The following TCEA3 variants were observed in gnomAD, a reference collection of about 807,000 sequenced individuals.
TCEA3 encodes transcription elongation factor A3, also known as transcription elongation factor A protein 3.
TCEA3 carries 36 observed loss-of-function variants against 44.0 expected under a neutral mutation model. That is an observed-to-expected ratio of 0.82 (90% confidence interval 0.63 to 1.08). The LOEUF is 1.08. Ranked by LOEUF, TCEA3 falls within the 50% of genes least tolerant of loss-of-function variation. TCEA3 has a pLI of 0.00. For synonymous variants in TCEA3, 162 were observed against 159.7 expected (o/e 1.01, Z -0.11); for missense variants, 392 against 441.2 (o/e 0.89, Z 1.00).
At chr1:23,414,100 T>C (rs929656474) in intron 4 of TCEA3, among the ~76,000 whole-genome samples, 1 of 151,910 alleles carries the variant, frequency 6.6e-6, no homozygotes. Flanking sequence ...TTTATTTTAT[T>C]TTTTGAGACA....
At chr1:23,396,774 G>T (rs747964671) in intron 7 of TCEA3, among the ~76,000 whole-genome samples, 8 of 152,088 alleles carry the variant, frequency 5.3e-5, no homozygotes, top group Non-Finnish European at 1.2e-4. Context: ...ATGCAAAGGT[G>T]GGTGGTGCAT....
chr1:23,424,545 C>A lies in TCEA3; in HGVS notation c.69+20G>T. ...CGCCTCCCGGGGGCGGGGGCCGTGG[C>A]CCAAACTCTGCAGCCTCACCGTGTT... is the stretch of plus-strand genomic sequence containing the variant. On this transcript the variant is annotated intron_variant, in intron 1 of 10. Coordinates refer to ENST00000450454, the MANE Select transcript of TCEA3 (RefSeq NM_003196.3). The A allele has an allele frequency of 6.2e-7, 1 of 1,602,502 alleles. No homozygotes were observed. Among genetic ancestry groups the A allele is most frequent in the Non-Finnish European group, 8.5e-7 (1 of 1,176,924 alleles).
At chr1:23,383,329 C>G in intron 10 of TCEA3, 1 of 737,930 alleles carries the variant, frequency 1.4e-6, no homozygotes, top group Non-Finnish European at 1.7e-6. Flanking sequence ...GTCGGAGCAT[C>G]GGCTTTCAGT....
At chr1:23,386,393 A>C (rs1036725128) in intron 9 of TCEA3, among the ~76,000 whole-genome samples, 3 of 151,988 alleles carry the variant, frequency 2.0e-5, no homozygotes, top group African/African-American at 7.3e-5. Flanking sequence ...ACACACTACC[A>C]AGCCTGGCTA....
chr1:23,382,273 C>T (rs1198089150), intron 10 of TCEA3, among the ~76,000 whole-genome samples: 5 of 152,122 alleles, frequency 3.3e-5, no homozygotes, highest in East Asian at 3.9e-4. Context: ...CTCAAACTCC[C>T]GACCTCAGGT....
intron 4 of TCEA3, among the ~76,000 whole-genome samples, chr1:23,414,367 G>A (rs894194383): frequency 3.3e-5 from 5 of 149,446 alleles, no homozygotes; most frequent in Admixed American, 1.3e-4. Context: ...TAGGATTATA[G>A]GCATGAGCCA....
In TCEA3 at chr1:23,397,908, C is replaced by T; in HGVS notation, c.491G>A (p.Ser164Asn). 6.2e-7 allele frequency: 1 copy of T among 1,613,782 alleles called. No individual in the cohort carries two copies. The highest frequency in any genetic ancestry group is 1.1e-5 in the South Asian group (1 of 91,054). ...SKAESPKTPS[S>N]PLTPTFASSM... is the part of the protein sequence containing the mutation. ...AGAGGCAAACGTGGGGGTCAAGGGG[C>T]TGCTAGGTGTTTTGGGGCTCTCCGC... The change falls in exon 6 of 11, where the codon AGC (serine) becomes AAC (asparagine). Residue 164 changes from serine to asparagine, a missense_variant. Coordinates refer to ENST00000450454, the MANE Select transcript of TCEA3 (RefSeq NM_003196.3).
rs574133748 is a variant in TCEA3, at chr1:23,417,179, T to C, written c.380+70A>G. On this transcript the variant is annotated intron_variant, in intron 4 of 10. Transcript: ENST00000450454. ...AGGATGAAAGGTTTAAATGAGATAATATACACTGAGTTGCTGTCAGAGGAC... is the reference window on the plus strand; with the variant it reads ...AGGATGAAAGGTTTAAATGAGATAACATACACTGAGTTGCTGTCAGAGGAC... 176 of 1,552,234 alleles carry C rather than the reference T, an allele frequency of 1.1e-4. No homozygotes were observed. In the African/African-American group the frequency reaches 2.2e-3, roughly 19 times the overall value.
chr1:23,389,289 A>T (rs1225010688), intron 8 of TCEA3, among the ~76,000 whole-genome samples: 1 of 152,052 alleles, frequency 6.6e-6, no homozygotes, highest in East Asian at 1.9e-4. Flanking sequence ...GGAGTTGGAG[A>T]CCAGCCAGGT....
At chr1:23,411,029 T>A in intron 4 of TCEA3, 1 of 206,002 alleles carries the variant, frequency 4.9e-6, no homozygotes, top group Non-Finnish European at 1.0e-5. Flanking sequence ...GATGTGGTGA[T>A]CAGGGGACAG....
intron 5 of TCEA3, among the ~76,000 whole-genome samples, chr1:23,408,060 C>T (rs1347339104): frequency 1.3e-5 from 2 of 152,142 alleles, no homozygotes; most frequent in African/African-American, 2.4e-5. Context: ...CTCCTGGGTT[C>T]AAGCGATTCT....
At chr1:23,404,193 A>G (rs1326179280) in intron 5 of TCEA3, 24 of 702,164 alleles carry the variant, frequency 3.4e-5, no homozygotes, top group Non-Finnish European at 3.4e-5. Context: ...ATAGCCAGGT[A>G]AAAGGACAAC....
intron 10 of TCEA3, chr1:23,383,298 A>T: frequency 9.8e-6 from 4 of 408,406 alleles, no homozygotes; most frequent in Non-Finnish European, 1.3e-5. Context: ...AAAAAAAAAA[A>T]GTAAAAGAAT....
chr1:23,407,533 TG>T (rs1052213717), intron 5 of TCEA3, among the ~76,000 whole-genome samples: 4 of 152,206 alleles, frequency 2.6e-5, no homozygotes, highest in African/African-American at 9.6e-5. Context: ...TCAGGGCACT[TG>T]GCTTGGAATG....
At position 23,418,193 on chromosome 1, in the gene TCEA3, G is replaced by A. The variant is rs907440946; in HGVS notation, c.133-184C>T. 27 of 603,968 alleles carry A rather than the reference G, an allele frequency of 4.5e-5. No individual in the cohort carries two copies. The South Asian group carries it at 4.7e-4, about 11-fold the overall frequency. The allele number at this position is 603,968 out of a possible 1,614,324, so 37.4% of individuals were successfully genotyped here. ...CTGTAACTAAGGCCCTGCTCTGCAC[G>A]AGGCCGAGGGCCCAGGGCTAAGCCT... is the stretch of plus-strand genomic sequence containing the variant. On this transcript the variant is annotated intron_variant, in intron 2 of 10. Coordinates refer to ENST00000450454, the MANE Select transcript of TCEA3 (RefSeq NM_003196.3).
chr1:23,386,359 C>T (rs1221652626), intron 9 of TCEA3, among the ~76,000 whole-genome samples: 1 of 152,006 alleles, frequency 6.6e-6, no homozygotes, highest in African/African-American at 2.4e-5. Flanking sequence ...ATTTCCCCCG[C>T]ATCCAGTAGC....
At chr1:23,420,754 G>C (rs570256487) in intron 1 of TCEA3, among the ~76,000 whole-genome samples, 1 of 152,220 alleles carries the variant, frequency 6.6e-6, no homozygotes, top group Non-Finnish European at 1.5e-5. Context: ...GGATGAACTT[G>C]TGCAGAACTA....
At chr1:23,395,528 A>G (rs2148556541) in intron 7 of TCEA3, among the ~76,000 whole-genome samples, 1 of 152,310 alleles carries the variant, frequency 6.6e-6, no homozygotes, top group South Asian at 2.1e-4. Context: ...CCTCTCCTTT[A>G]GAAGAGGGAC....
At chr1:23,399,158 A>G (rs1339546656) in intron 5 of TCEA3, among the ~76,000 whole-genome samples, 2 of 109,062 alleles carry the variant, frequency 1.8e-5, no homozygotes, top group South Asian at 4.2e-4. Flanking sequence ...ATATATATAT[A>G]TATATATATA....
Sources: allele counts gnomAD v4.1 joint callset (sites outside exome capture counted in the v4.1 genomes callset), GRCh38; gene constraint gnomAD v4.1.1; transcripts MANE v1.5; gene names NCBI Gene and HGNC (gene_info 2026-07-23, HGNC 2026-07-21).